ELL2: variants seen among roughly 807,000 people sequenced by gnomAD.
ELL2 encodes elongation factor for RNA polymerase II 2, also known as RNA polymerase II elongation factor ELL2.
ELL2 carries 21 observed loss-of-function variants against 72.8 expected under a neutral mutation model. The ratio of observed to expected loss-of-function variants is 0.29; its 90% CI spans 0.20 to 0.42. The LOEUF is 0.42. Among genes scored for constraint, ELL2 ranks in the 10% least tolerant of loss-of-function variants. ELL2 has a pLI of 1.00. For missense variants in ELL2, 568 were observed against 772.8 expected, an observed-to-expected ratio of 0.73 and a Z score of 3.14; for synonymous variants, 266 against 283.2, an observed-to-expected ratio of 0.94 and a Z score of 0.61.
intron 4 of ELL2, among the ~76,000 whole-genome samples, chr5:95,909,099 C>G (rs932091533): frequency 1.3e-5 from 2 of 152,208 alleles, no homozygotes; most frequent in Admixed American, 1.3e-4. Flanking sequence ...TATCCCCATG[C>G]TTCCCCAAAG....
At chr5:95,907,478 C>T (rs1171718139) in intron 4 of ELL2, among the ~76,000 whole-genome samples, 1 of 151,928 alleles carries the variant, frequency 6.6e-6, no homozygotes, top group Non-Finnish European at 1.5e-5. Context: ...CTCACATGGG[C>T]CAGTGCTGTT....
chr5:95,916,058 T>C (rs1311085794), intron 3 of ELL2, among the ~76,000 whole-genome samples: 1 of 151,306 alleles, frequency 6.6e-6, no homozygotes, highest in African/African-American at 2.4e-5. Context: ...TACTGAAGGA[T>C]TACAGGCAAG....
intron 1 of ELL2, among the ~76,000 whole-genome samples, chr5:95,952,120 G>A (rs1751433803): frequency 6.6e-6 from 1 of 152,136 alleles, no homozygotes; most frequent in Non-Finnish European, 1.5e-5. Context: ...ATACAACACA[G>A]CAACGAAAAA....
intron 7 of ELL2, 62 bp from the exon 8 acceptor site, chr5:95,898,872 A>C (rs1186781002): frequency 3.2e-6 from 4 of 1,259,950 alleles, no homozygotes. Flanking sequence ...AATTCAATAC[A>C]TGCATGGCTG....
intron 5 of ELL2, among the ~76,000 whole-genome samples, chr5:95,905,839 G>T (rs531742069): frequency 1.5e-4 from 22 of 151,568 alleles, no homozygotes; most frequent in African/African-American, 5.3e-4. Flanking sequence ...CACCATTTAT[G>T]GTGGATCTGA....
intron 1 of ELL2, among the ~76,000 whole-genome samples, chr5:95,959,283 A>T (rs1458360254): frequency 6.6e-6 from 1 of 152,096 alleles, no homozygotes; most frequent in Non-Finnish European, 1.5e-5. Context: ...GCCCCCAGAG[A>T]TGCCTCTTCC....
intron 1 of ELL2, among the ~76,000 whole-genome samples, chr5:95,948,312 C>T (rs1421138579): frequency 6.6e-6 from 1 of 151,442 alleles, no homozygotes; most frequent in Non-Finnish European, 1.5e-5. Context: ...CACCTGTAAT[C>T]GCAGCTACTC....
chr5:95,892,458 A>T (rs764776453), intron 9 of ELL2, among the ~76,000 whole-genome samples: 7 of 152,152 alleles, frequency 4.6e-5, no homozygotes, highest in African/African-American at 7.2e-5. Context: ...ATTACATATT[A>T]CAGTATTACT....
Position 95,890,783 on chromosome 5 carries a change from G to C in ELL2, c.1761+320C>G, listed in dbSNP as rs4869254. Among the ~76,000 whole-genome samples, 411 of 152,302 alleles carry C rather than the reference G, an allele frequency of 2.7e-3. 2 individuals carry two copies. Among genetic ancestry groups the C allele is most frequent in the Non-Finnish European group, 4.8e-3 (325 of 68,026 alleles). Reference sequence around the variant, plus strand: ...ACCAGACCTATGAGCTGTAGTCTAAGTTGGCAGTGTAATTAATCAAATAGT... The same window carrying C: ...ACCAGACCTATGAGCTGTAGTCTAACTTGGCAGTGTAATTAATCAAATAGT... On this transcript the variant is annotated intron_variant, in intron 10 of 11. Coordinates refer to ENST00000237853, the MANE Select transcript of ELL2 (RefSeq NM_012081.6).
intron 2 of ELL2, among the ~76,000 whole-genome samples, chr5:95,929,660 G>A (rs752842491): frequency 2.6e-5 from 4 of 152,100 alleles, no homozygotes; most frequent in Non-Finnish European, 5.9e-5. Flanking sequence ...CACTCAGAAG[G>A]TGCCTTATGT....
intron 2 of ELL2, among the ~76,000 whole-genome samples, chr5:95,929,490 C>T (rs751789830): frequency 2.6e-5 from 4 of 152,076 alleles, no homozygotes; most frequent in Non-Finnish European, 4.4e-5. Flanking sequence ...AACTCCTGAC[C>T]TCGTGATCTG....
intron 2 of ELL2, among the ~76,000 whole-genome samples, chr5:95,920,467 G>A (rs1169164016): frequency 2.6e-5 from 4 of 151,546 alleles, no homozygotes; most frequent in South Asian, 2.1e-4. Context: ...CCGCCACTAC[G>A]CCCAGCTAAT....
At chr5:95,940,428 T>A (rs1750929275) in intron 2 of ELL2, among the ~76,000 whole-genome samples, 1 of 152,170 alleles carries the variant, frequency 6.6e-6, no homozygotes, top group Non-Finnish European at 1.5e-5. Flanking sequence ...TCTGGCCTTC[T>A]AAAGACATCA....
intron 1 of ELL2, among the ~76,000 whole-genome samples, chr5:95,956,141 C>A (rs1302659021): frequency 3.3e-5 from 5 of 152,110 alleles, no homozygotes; most frequent in African/African-American, 9.7e-5. Flanking sequence ...AAATTCTTTT[C>A]TTGAACATGT....
intron 5 of ELL2, among the ~76,000 whole-genome samples, chr5:95,902,014 G>A (rs1445150109): frequency 2.0e-5 from 3 of 152,180 alleles, no homozygotes; most frequent in African/African-American, 7.2e-5. Context: ...ATAGGTAACT[G>A]AAACCCCAGA....
At chr5:95,927,055 C>T (rs1298356987) in intron 2 of ELL2, among the ~76,000 whole-genome samples, 1 of 152,074 alleles carries the variant, frequency 6.6e-6, no homozygotes, top group Non-Finnish European at 1.5e-5. Context: ...ATTTAATTCA[C>T]TTATTCCACA....
chr5:95,899,643 C>T (rs1749055695), intron 7 of ELL2, among the ~76,000 whole-genome samples: 1 of 152,226 alleles, frequency 6.6e-6, no homozygotes, highest in African/African-American at 2.4e-5. Flanking sequence ...TATAAATTCA[C>T]ATTTATGCTT....
At position 95,898,726 on chromosome 5, in the gene ELL2, T is replaced by C. The variant is rs758630105; in HGVS notation, c.1039A>G (p.Thr347Ala). ...GTGGGATTCAAATGACCATTTAGTG[T>C]TGGTGGTACTCTGTTCGTCAGGTGA... ...ISHLTNRVPP[T>A]LNGHLNPTSE... Residue 347 changes from threonine to alanine, a missense_variant, in exon 8 of 12, where the codon ACA becomes GCA. Around this residue, in one of 2 missense-constraint regions of ELL2, gnomAD observed 511 missense variants for 728.4 expected, o/e 0.70. Coordinates refer to ENST00000237853, the MANE Select transcript of ELL2 (RefSeq NM_012081.6). 12 of 1,609,312 alleles carry C rather than the reference T, an allele frequency of 7.5e-6. No homozygotes were observed. The highest frequency in any genetic ancestry group is 1.0e-5 in the Non-Finnish European group (12 of 1,177,202).
Position 95,886,186 on chromosome 5 carries a change from G to A in ELL2, c.*2685C>T, listed in dbSNP as rs1424737643. On this transcript the variant is annotated 3_prime_UTR_variant, in exon 12 of 12. Coordinates refer to ENST00000237853, the MANE Select transcript of ELL2 (RefSeq NM_012081.6). ...CTGACATTAAGTGGCCACTATTCCT[G>A]TAGTAATCATTTGTAAGAATCTAAA... 2 of 152,160 alleles carry A rather than the reference G, an allele frequency of 1.3e-5. No individual in the cohort carries two copies. The highest frequency in any genetic ancestry group is 2.4e-5 in the African/African-American group (1 of 41,436). 9.4% of individuals were successfully genotyped at this position (152,160 alleles called of 1,614,324 possible). A position where few individuals can be genotyped will look rare whatever the true frequency, so the allele number is the denominator to read the frequency against.
Sources: allele counts gnomAD v4.1 joint callset (sites outside exome capture counted in the v4.1 genomes callset), GRCh38; gene constraint gnomAD v4.1.1; regional missense constraint gnomAD v4.1.1; transcripts MANE v1.5; gene names NCBI Gene and HGNC (gene_info 2026-07-23, HGNC 2026-07-21).